The following KDM5A variants were observed in gnomAD, a reference collection of about 807,000 sequenced individuals.
KDM5A encodes the protein lysine-specific demethylase 5A.
In KDM5A, 42 loss-of-function variants were observed where a neutral mutation model predicts 193.5. The observed-to-expected ratio is 0.22, with a 90% CI of 0.17 to 0.28. The LOEUF is 0.28. Among genes scored for constraint, KDM5A ranks in the 10% least tolerant of loss-of-function variants. The probability of loss-of-function intolerance (pLI) is 1.00; values close to 1 mark genes in which losing one functional copy is unlikely to be tolerated. For missense variants in KDM5A, 1,692 were observed against 2,055.1 expected (o/e 0.82, Z 3.42); for synonymous variants, 796 against 718.1 (o/e 1.11, Z -1.73).
chr12:387,476 G>A (rs1339364163), intron 1 of KDM5A, among the ~76,000 whole-genome samples: 1 of 152,098 alleles, frequency 6.6e-6, no homozygotes, highest in Non-Finnish European at 1.5e-5. Context: ...TTAATATTAG[G>A]TAATTATGAT....
chr12:378,153 A>C (rs1298940629), intron 3 of KDM5A, among the ~76,000 whole-genome samples: 2 of 152,240 alleles, frequency 1.3e-5, no homozygotes, highest in Non-Finnish European at 2.9e-5. Context: ...CAATATGAGC[A>C]TATTACTTGG....
chr12:348,757 G>C (rs554708504), intron 10 of KDM5A, among the ~76,000 whole-genome samples: 2 of 151,710 alleles, frequency 1.3e-5, no homozygotes, highest in Non-Finnish European at 2.9e-5. Context: ...ACTGGGGCCT[G>C]TCAGGGGGTG....
chr12:322,328 T>C (rs1040655707), intron 17 of KDM5A, 89 bp downstream of exon 17: 59 of 1,195,138 alleles, frequency 4.9e-5, no homozygotes, highest in Non-Finnish European at 6.9e-5. Context: ...TCAAAGATAA[T>C]GTACGGCTTC....
chr12:312,395 A>G (rs1943599154), intron 20 of KDM5A, among the ~76,000 whole-genome samples: 1 of 152,156 alleles, frequency 6.6e-6, no homozygotes, highest in African/African-American at 2.4e-5. Context: ...AGTAAATGTT[A>G]ATTTCATTTT....
chr12:328,683 A>G, intron 14 of KDM5A, 152 bp downstream of exon 14: 6 of 696,636 alleles, frequency 8.6e-6, no homozygotes, highest in South Asian at 1.9e-5. Context: ...GGAGAAATCA[A>G]TATGTCAATT....
rs968610062 is a variant in KDM5A at position 307,288 on chromosome 12, A to G, written c.3930+166T>C. Among the ~76,000 whole-genome samples the G allele has an allele frequency of 2.6e-5, 4 of 152,234 alleles. No individual in the cohort carries two copies. Among genetic ancestry groups the G allele is most frequent in the African/African-American group, 9.6e-5 (4 of 41,458 alleles). On this transcript the variant is annotated intron_variant, in intron 23 of 27. Transcript: ENST00000399788. This position sits in a 1 kb window ranked among gnomAD's most constrained non-coding sequence, Gnocchi z 4.3. ...TATTACCAAGAATATTTCACTAAGT[A>G]CGTATCCAAAAAAAGTGCTATAGTG...
intron 3 of KDM5A, among the ~76,000 whole-genome samples, chr12:374,532 G>T (rs1424737916): frequency 6.6e-6 from 1 of 152,078 alleles, no homozygotes; most frequent in Non-Finnish European, 1.5e-5. Context: ...TATCCAATTT[G>T]CCAGTCTGTG....
At chr12:291,207 A>T (rs550568643) in intron 27 of KDM5A, among the ~76,000 whole-genome samples, 1 of 152,228 alleles carries the variant, frequency 6.6e-6, no homozygotes, top group Non-Finnish European at 1.5e-5. Context: ...AACGCCATAG[A>T]AAAAAATTGG....
chr12:317,103 T>G (rs1013739092), intron 19 of KDM5A, among the ~76,000 whole-genome samples: 1 of 152,174 alleles, frequency 6.6e-6, no homozygotes, highest in Non-Finnish European at 1.5e-5. Context: ...ATAAACACTT[T>G]ATTTAAATCT....
chr12:347,324 T>G (rs1944091274), intron 10 of KDM5A, among the ~76,000 whole-genome samples: 1 of 152,148 alleles, frequency 6.6e-6, no homozygotes, highest in Admixed American at 6.5e-5. Context: ...ATAGTGAAAA[T>G]GGCCATATTG....
At chr12:285,720 AAGCAAACCAAAG>A in intron 27 of KDM5A, 58 bp from the exon 28 acceptor site, 1 of 1,462,744 alleles carries the variant, frequency 6.8e-7, no homozygotes, top group Non-Finnish European at 9.6e-7. Flanking sequence ...CCTAGAATAA[AAGCAAACCAAAG>A]AGCTTTCTTG....
At chr12:381,950 G>C (rs1944578275) in intron 3 of KDM5A, among the ~76,000 whole-genome samples, 1 of 152,020 alleles carries the variant, frequency 6.6e-6, no homozygotes, top group Admixed American at 6.6e-5. Flanking sequence ...GGGACTCCAG[G>C]AGTCCACCAC....
chr12:367,547 A>G (rs900608416), intron 3 of KDM5A, among the ~76,000 whole-genome samples: 3 of 152,062 alleles, frequency 2.0e-5, no homozygotes, highest in Admixed American at 6.6e-5. Flanking sequence ...AAAAATATAC[A>G]AAGAATTAGC....
intron 3 of KDM5A, among the ~76,000 whole-genome samples, chr12:380,997 AT>A (rs71045053): frequency 0.71 from 104,566 of 147,904 alleles, 37,017 homozygotes; most frequent in Middle Eastern, 0.79. Context: ...GTTTTATTTT[AT>A]TTTTTTTTTT....
chr12:348,677 C>G (rs11615564), intron 10 of KDM5A, among the ~76,000 whole-genome samples: 23,654 of 151,746 alleles, frequency 0.16, 2,218 homozygotes, highest in Non-Finnish European at 0.21. Flanking sequence ...AACCAAAAAC[C>G]ACGTGTTCTC....
chr12:302,824 G>GA (rs1002647299), intron 24 of KDM5A, among the ~76,000 whole-genome samples: 1 of 151,908 alleles, frequency 6.6e-6, no homozygotes, highest in Non-Finnish European at 1.5e-5. Context: ...AAATTTACAA[G>GA]AAAAAAACCA....
chr12:291,528 A>G (rs1012508370), intron 27 of KDM5A, among the ~76,000 whole-genome samples: 2 of 152,192 alleles, frequency 1.3e-5, no homozygotes, highest in African/African-American at 4.8e-5. Flanking sequence ...CTGTAAAATG[A>G]GCAGCCTGAA....
intron 1 of KDM5A, chr12:388,340 T>C (rs1287905277): frequency 2.2e-6 from 1 of 455,160 alleles, no homozygotes; most frequent in East Asian, 6.9e-5. Flanking sequence ...GATTTCAACA[T>C]TTCCTTCCAC....
rs758073990 is a variant in KDM5A at position 389,116 on chromosome 12, G to T, written c.-25C>A. ...TTGCAACGGCCGGGGGGGGGGGGGGGTCCCCGTGGGGAACCGGTGGAGAAA... is the reference window on the plus strand; with the variant it reads ...TTGCAACGGCCGGGGGGGGGGGGGGTTCCCCGTGGGGAACCGGTGGAGAAA... On this transcript the variant is annotated 5_prime_UTR_variant, in exon 1 of 28. Transcript: ENST00000399788. 8 of 1,277,096 alleles carry T rather than the reference G, an allele frequency of 6.3e-6. No individual in the cohort carries two copies. In the Admixed American group the frequency reaches 1.2e-4, roughly 19 times the overall value. 79.1% of individuals were successfully genotyped at this position (1,277,096 alleles called of 1,614,324 possible).
Sources: gnomAD v4.1 joint callset for allele counts (sites outside exome capture counted in the v4.1 genomes callset) on GRCh38, gnomAD v4.1.1 for gene constraint, Gnocchi (gnomAD v3.1) non-coding constraint, MANE v1.5 for transcripts, NCBI Gene and HGNC (gene_info 2026-07-23, HGNC 2026-07-21) for gene names.